RIC1: variants seen among roughly 807,000 people sequenced by gnomAD.
RIC1 encodes RIC1 partner of RAB6A GEF complex, also known as guanine nucleotide exchange factor subunit RIC1.
A neutral mutation model predicts 169.0 loss-of-function variants in RIC1; 88 were observed. The observed-to-expected ratio is 0.52, with a 90% CI of 0.44 to 0.62. The LOEUF is 0.62. RIC1 is among the 20% of genes least tolerant of loss of function. The pLI is 0.00. For missense variants in RIC1, 1,877 were observed against 1,725.5 expected, an observed-to-expected ratio of 1.09 and a Z score of -1.56; for synonymous variants, 790 against 601.5, an observed-to-expected ratio of 1.31 and a Z score of -4.59.
intron 2 of RIC1, among the ~76,000 whole-genome samples, chr9:5,675,710 G>A (rs566306492): frequency 6.6e-6 from 1 of 152,064 alleles, no homozygotes; most frequent in South Asian, 2.1e-4. Flanking sequence ...GGGGAAAAAT[G>A]TACATACAAA....
intron 11 of RIC1, 27 bp from the exon 12 acceptor site, chr9:5,747,275 C>T (rs1563946356): frequency 6.3e-7 from 1 of 1,582,060 alleles, no homozygotes; most frequent in Non-Finnish European, 8.7e-7. Context: ...CCTCCTTTGC[C>T]CTTTTGTTCC....
intron 17 of RIC1, 87 bp downstream of exon 17, chr9:5,757,538 T>C: frequency 2.2e-6 from 3 of 1,395,292 alleles, no homozygotes; most frequent in South Asian, 1.2e-5. Context: ...GTTTGGCAAA[T>C]AAATACTAAG....
At chr9:5,675,730 A>C (rs1049023825) in intron 2 of RIC1, among the ~76,000 whole-genome samples, 1 of 152,338 alleles carries the variant, frequency 6.6e-6, no homozygotes, top group Admixed American at 6.5e-5. Context: ...AATGGCCTAC[A>C]AATAACATGG....
chr9:5,640,368 T>G (rs1055206635), intron 1 of RIC1, among the ~76,000 whole-genome samples: 1 of 152,168 alleles, frequency 6.6e-6, no homozygotes, highest in African/African-American at 2.4e-5. Context: ...ATTAAAAGTG[T>G]AATTAAAACT....
intron 2 of RIC1, among the ~76,000 whole-genome samples, chr9:5,660,926 T>A (rs979884634): frequency 7.2e-5 from 11 of 152,290 alleles, no homozygotes; most frequent in African/African-American, 2.6e-4. Flanking sequence ...AATCTCTGCC[T>A]GTGCCTGTGT....
At chr9:5,632,281 C>G (rs976849432) in intron 1 of RIC1, among the ~76,000 whole-genome samples, 1 of 152,136 alleles carries the variant, frequency 6.6e-6, no homozygotes, top group Non-Finnish European at 1.5e-5. Flanking sequence ...TTTCAATGTT[C>G]AAAAGAATTG....
chr9:5,642,772 T>G (rs1411590621), intron 1 of RIC1, among the ~76,000 whole-genome samples: 1 of 151,486 alleles, frequency 6.6e-6, no homozygotes, highest in Non-Finnish European at 1.5e-5. Flanking sequence ...GTTAAATATT[T>G]ATTTGGAGTT....
Position 5,745,995 on chromosome 9 carries a change from T to C in RIC1, c.1160T>C (p.Ile387Thr). 1 of 1,613,768 alleles carries C rather than the reference T, an allele frequency of 6.2e-7. No homozygotes were observed. Among genetic ancestry groups the C allele is most frequent in the Non-Finnish European group, 8.5e-7 (1 of 1,179,734 alleles). The part of the protein sequence containing the change: ...ISGFGSQNTE[I>T]ESDLRSVVKQ... ...GGATTTGGTTCTCAAAACACTGAAA[T>C]TGAGTCTGACCTCAGGAGTGTAGTT... is the stretch of plus-strand genomic sequence containing the variant. The change falls in exon 11 of 26, where the codon ATT becomes ACT. Residue 387 changes from isoleucine (I) to threonine (T), a missense_variant. This residue lies in a region of RIC1 where 1,104 missense variants were observed against 992.0 expected (regional missense o/e 1.11). Coordinates refer to ENST00000414202, the MANE Select transcript of RIC1 (RefSeq NM_020829.4).
At chr9:5,770,528 TTGA>T (rs1354785459) in intron 23 of RIC1, among the ~76,000 whole-genome samples, 4 of 152,208 alleles carry the variant, frequency 2.6e-5, no homozygotes, top group African/African-American at 7.2e-5. Context: ...TAAATCAATT[TTGA>T]TGATAAGGAA....
intron 2 of RIC1, among the ~76,000 whole-genome samples, chr9:5,657,067 C>T (rs919487473): frequency 6.6e-6 from 1 of 152,098 alleles, no homozygotes; most frequent in African/African-American, 2.4e-5. Flanking sequence ...CACCTATATC[C>T]TTTTCTGTTT....
Position 5,765,718 on chromosome 9 carries a change from C to A in RIC1, c.3057C>A (p.Ser1019=). ...TCAGGAATCGAAGCATCAGTTTATC[C>A]CAGTCAGCTGAAAATGTTCCTGCCA... ...EFFRNRSISL[S]QSAENVPASK... is the part of the protein sequence containing the mutation. The change falls in exon 21 of 26, where the codon TCC becomes TCA. Residue 1019 remains serine, a synonymous_variant. Coordinates refer to ENST00000414202, the MANE Select transcript of RIC1 (RefSeq NM_020829.4). 6.2e-7 allele frequency: 1 copy of A among 1,614,126 alleles called. No homozygotes were observed.
In RIC1 at chr9:5,668,401, G is replaced by A. The variant is rs371136447; in HGVS notation, c.252+11711G>A. 1.8e-4 allele frequency among the ~76,000 whole-genome samples: 27 copies of A among 152,152 alleles called. No homozygotes were observed. The South Asian group carries it at 5.6e-3, about 32-fold the overall frequency. ...GTTTGATTCTAGTGTGTCTCAGTGT[G>A]GGTCTCTGAGTTTATCCTTTTTGGA... On this transcript the variant is annotated intron_variant, in intron 2 of 25. Transcript: ENST00000414202.
chr9:5,741,950 C>G lies in RIC1; in HGVS notation c.902-919C>G, dbSNP rs552235891. On this transcript the variant is annotated intron_variant, in intron 8 of 25. Coordinates refer to ENST00000414202, the MANE Select transcript of RIC1 (RefSeq NM_020829.4). ...TTTAAATTTCTTTGCTTCCGCTGGT[C>G]ACTTGGGAGCACTACATCAGTCTGT... Among the ~76,000 whole-genome samples the G allele has an allele frequency of 3.9e-5, 6 of 152,292 alleles. No individual in the cohort carries two copies. The South Asian group carries it at 1.2e-3, about 32-fold the overall frequency.
Position 5,756,358 on chromosome 9 carries a change from A to G in RIC1, c.1839A>G (p.Glu613=). 1 of 1,486,222 alleles carries G rather than the reference A, an allele frequency of 6.7e-7. No individual in the cohort carries two copies. Among genetic ancestry groups the G allele is most frequent in the Non-Finnish European group, 9.0e-7 (1 of 1,105,108 alleles). 92.1% of individuals were successfully genotyped at this position (1,486,222 alleles called of 1,614,324 possible). The part of the protein sequence containing the change: ...ADCSICLYSI[E]RKSDGPNTTA... Reference sequence around the variant, plus strand: ...GTTCAATATGCCTTTACAGTATTGAAAGAAAATCTGATGGGTAAGTATCTG... The same window carrying G: ...GTTCAATATGCCTTTACAGTATTGAGAGAAAATCTGATGGGTAAGTATCTG... The change falls in exon 16 of 26, where the codon GAA becomes GAG. Residue 613 remains glutamate (E), a synonymous_variant. Coordinates refer to ENST00000414202, the MANE Select transcript of RIC1 (RefSeq NM_020829.4).
intron 3 of RIC1, among the ~76,000 whole-genome samples, chr9:5,701,698 C>G (rs1822231392): frequency 6.6e-6 from 1 of 151,882 alleles, no homozygotes; most frequent in Non-Finnish European, 1.5e-5. Flanking sequence ...AACTTTTGCT[C>G]TGTATAATTC....
At chr9:5,702,854 A>G (rs1037546330) in intron 3 of RIC1, among the ~76,000 whole-genome samples, 1 of 152,156 alleles carries the variant, frequency 6.6e-6, no homozygotes, top group Admixed American at 6.5e-5. Context: ...ACTGAGCTAC[A>G]CACTTTTAAA....
rs1238965777 is a variant in RIC1 at position 5,682,695 on chromosome 9, A to C, written c.253-7264A>C. Among the ~76,000 whole-genome samples, 3 of 152,164 alleles carry C rather than the reference A, an allele frequency of 2.0e-5. No homozygotes were observed. In the East Asian group the frequency reaches 5.8e-4, roughly 29 times the overall value. On this transcript the variant is annotated intron_variant, in intron 2 of 25. Transcript: ENST00000414202. ...GCGTTCTCTGTATTTCCTGAATTTGAATGTTGGCCTGCCTTGCTAGATTGG... is the reference window on the plus strand; with the variant it reads ...GCGTTCTCTGTATTTCCTGAATTTGCATGTTGGCCTGCCTTGCTAGATTGG...
chr9:5,677,598 G>T (rs1022846502), intron 2 of RIC1, among the ~76,000 whole-genome samples: 1 of 151,130 alleles, frequency 6.6e-6, no homozygotes, highest in East Asian at 1.9e-4. Context: ...AATAATTTTT[G>T]AAATCACACA....
Position 5,746,036 on chromosome 9 carries a change from C to T in RIC1, c.1201C>T (p.Leu401=), listed in dbSNP as rs1221822070. ...GAGTGTAGTTAAACAGCCCAGCATC[C>T]TGTTATTTCAGTTTATTAAGAGTGT... ...LRSVVKQPSI[L]LFQFIKSVLT... The change falls in exon 11 of 26, where the codon CTG becomes TTG. Residue 401 remains leucine (L), a synonymous_variant. Transcript: ENST00000414202. 6.2e-7 allele frequency: 1 copy of T among 1,613,604 alleles called. No individual in the cohort carries two copies. The highest frequency in any genetic ancestry group is 1.1e-5 in the South Asian group (1 of 91,056).
Sources: allele counts gnomAD v4.1 joint callset (sites outside exome capture counted in the v4.1 genomes callset), GRCh38; gene constraint gnomAD v4.1.1; regional missense constraint gnomAD v4.1.1; transcripts MANE v1.5; gene names NCBI Gene and HGNC (gene_info 2026-07-23, HGNC 2026-07-21).